The following LIMCH1 variants were observed in gnomAD, a reference collection of about 807,000 sequenced individuals.
LIMCH1 encodes the protein LIM and calponin homology domains 1.
A neutral mutation model predicts 176.5 loss-of-function variants in LIMCH1; 113 were observed. That is an observed-to-expected ratio of 0.64 (90% CI 0.55 to 0.75). LIMCH1 has a LOEUF of 0.75. LIMCH1 is among the 30% of genes least tolerant of loss of function. The pLI is 0.00. For missense variants in LIMCH1, 1,674 were observed against 1,814.9 expected (o/e 0.92, Z 1.41); for synonymous variants, 619 against 645.9 (o/e 0.96, Z 0.63).
chr4:41,406,696 A>G (rs917049292), intron 1 of LIMCH1, among the ~76,000 whole-genome samples: 6 of 152,218 alleles, frequency 3.9e-5, no homozygotes, highest in Non-Finnish European at 8.8e-5. Flanking sequence ...GTCGCACTGT[A>G]AAGACACTGA....
At chr4:41,661,993 G>A (rs919702329) in intron 19 of LIMCH1, 5 of 322,726 alleles carry the variant, frequency 1.5e-5, no homozygotes, top group African/African-American at 4.5e-5. Context: ...CCCTGTTCCC[G>A]AAAGTCTTGT....
intron 1 of LIMCH1, among the ~76,000 whole-genome samples, chr4:41,436,700 C>T (rs1284676923): frequency 1.3e-5 from 2 of 152,052 alleles, no homozygotes; most frequent in Non-Finnish European, 2.9e-5. Flanking sequence ...ACTCTTTGGT[C>T]CTTCCCAAGG....
At chr4:41,426,071 GAGTGC>G (rs1166237143) in intron 1 of LIMCH1, among the ~76,000 whole-genome samples, 1 of 145,662 alleles carries the variant, frequency 6.9e-6, no homozygotes, top group African/African-American at 2.6e-5. Context: ...GCCCAGGCTG[GAGTGC>G]AGTGGCGGGA....
intron 7 of LIMCH1, among the ~76,000 whole-genome samples, chr4:41,625,401 T>A (rs2092880584): frequency 6.6e-6 from 1 of 152,238 alleles, no homozygotes; most frequent in South Asian, 2.1e-4. Flanking sequence ...CACCTGTGAA[T>A]ACAATCCTAC....
chr4:41,599,286 TA>T (rs1462836520), intron 2 of LIMCH1, among the ~76,000 whole-genome samples: 2 of 152,238 alleles, frequency 1.3e-5, no homozygotes, highest in East Asian at 3.9e-4. Flanking sequence ...AAATGTTAAG[TA>T]AAGATTAACA....
Position 41,487,235 on chromosome 4 carries a change from T to C in LIMCH1, c.97-7301T>C, listed in dbSNP as rs2069764057. Among the ~76,000 whole-genome samples, 3 of 152,258 alleles carry C rather than the reference T, an allele frequency of 2.0e-5. No individual in the cohort carries two copies. In the South Asian group the frequency reaches 6.2e-4, roughly 32 times the overall value. Reference sequence around the variant, plus strand: ...GTCTAAGGGCCAAATTTTCAGTGGCTTGGTCCTTATTGAATTTCTGCAGTC... The same window carrying C: ...GTCTAAGGGCCAAATTTTCAGTGGCCTGGTCCTTATTGAATTTCTGCAGTC... On this transcript the variant is annotated intron_variant, in intron 1 of 26. Transcript: ENST00000313860.
At chr4:41,559,337 G>A (rs1015284645) in intron 1 of LIMCH1, among the ~76,000 whole-genome samples, 1 of 152,020 alleles carries the variant, frequency 6.6e-6, no homozygotes, top group Non-Finnish European at 1.5e-5. Flanking sequence ...AGGAAGAAGG[G>A]TGCCTCCTCC....
chr4:41,360,777 C>T (rs1580975570), upstream of LIMCH1: 4 of 1,303,196 alleles, frequency 3.1e-6, no homozygotes, highest in African/African-American at 1.5e-5. This position sits in a 1 kb window ranked among gnomAD's most constrained non-coding sequence, Gnocchi z 4.5. Context: ...GGAGCGCGCT[C>T]CTGCGGCGGC....
At chr4:41,581,805 C>CAAAAAAAAAAAAAAAAAAAAAA (rs56150312) in intron 1 of LIMCH1, among the ~76,000 whole-genome samples, 19 of 76,188 alleles carry the variant, frequency 2.5e-4, no homozygotes, top group Admixed American at 5.3e-4. Flanking sequence ...GACTCTGTCT[C>CAAAAAAAAAAAAAAAAAAAAAA]AAAAAAAAAA....
At chr4:41,620,041 A>T (rs1385641232) in intron 6 of LIMCH1, 1 of 206,610 alleles carries the variant, frequency 4.8e-6, no homozygotes, top group African/African-American at 2.3e-5. Flanking sequence ...CCCAATAACA[A>T]ATAAGGCAGA....
intron 14 of LIMCH1, among the ~76,000 whole-genome samples, chr4:41,643,594 CATTT>C (rs1562049944): frequency 6.6e-6 from 1 of 152,192 alleles, no homozygotes; most frequent in Non-Finnish European, 1.5e-5. Context: ...TCTTGCACAA[CATTT>C]AATAAGCTCC....
At chr4:41,671,806 A>T (rs1401704925) in intron 22 of LIMCH1, among the ~76,000 whole-genome samples, 1 of 151,246 alleles carries the variant, frequency 6.6e-6, no homozygotes, top group Non-Finnish European at 1.5e-5. Context: ...TACTAAAAAT[A>T]CAAAAATTAG....
chr4:41,509,817 C>T (rs1583299552), intron 2 of LIMCH1, among the ~76,000 whole-genome samples: 1 of 152,092 alleles, frequency 6.6e-6, no homozygotes, highest in Non-Finnish European at 1.5e-5. Flanking sequence ...AAATAAATAG[C>T]CCTTGGCTCC....
At chr4:41,474,227 G>GC (rs2067397226) in intron 1 of LIMCH1, among the ~76,000 whole-genome samples, 1 of 151,118 alleles carries the variant, frequency 6.6e-6, no homozygotes, top group Non-Finnish European at 1.5e-5. Flanking sequence ...GGTGGCTCAC[G>GC]CCTGTAATCC....
At position 41,692,399 on chromosome 4, in the gene LIMCH1, G is replaced by T; in HGVS notation, c.4378+15G>T. 1 of 1,505,398 alleles carries T rather than the reference G, an allele frequency of 6.6e-7. No homozygotes were observed. Among genetic ancestry groups the T allele is most frequent in the South Asian group, 1.1e-5 (1 of 88,332 alleles). The allele number at this position is 1,505,398 out of a possible 1,614,324, so 93.3% of individuals were successfully genotyped here. A position where few individuals can be genotyped will look rare whatever the true frequency, so the allele number is the denominator to read the frequency against. On this transcript the variant is annotated intron_variant, in intron 31 of 31. Transcript: ENST00000503057. ...GCGATCCAGAAGTAAGTACTGGGGA[G>T]AATGCCTCATGATGACCGAGTGTAA...
intron 2 of LIMCH1, among the ~76,000 whole-genome samples, chr4:41,498,010 G>A (rs1448951413): frequency 6.6e-6 from 1 of 152,108 alleles, no homozygotes; most frequent in East Asian, 1.9e-4. Flanking sequence ...GCTGGGCAGA[G>A]GACAAAGAAG....
At chr4:41,585,513 T>G (rs1221717195) in intron 1 of LIMCH1, among the ~76,000 whole-genome samples, 1 of 152,230 alleles carries the variant, frequency 6.6e-6, no homozygotes, top group Non-Finnish European at 1.5e-5. Context: ...TGCAAGTGTC[T>G]ATTTGAGTTT....
chr4:41,483,970 G>A (rs929645496), intron 1 of LIMCH1, among the ~76,000 whole-genome samples: 1 of 152,184 alleles, frequency 6.6e-6, no homozygotes, highest in East Asian at 1.9e-4. Context: ...GAGCCCTTGG[G>A]CAAGTTACTT....
chr4:41,361,122 C>T (rs1325814382), intron 1 of LIMCH1, among the ~76,000 whole-genome samples: 1 of 152,196 alleles, frequency 6.6e-6, no homozygotes, highest in Non-Finnish European at 1.5e-5. Context: ...ATTGGAATCC[C>T]GGGCGAGGGT....
Sources: gnomAD v4.1 joint callset for allele counts (sites outside exome capture counted in the v4.1 genomes callset) on GRCh38, gnomAD v4.1.1 for gene constraint, Gnocchi (gnomAD v3.1) non-coding constraint, MANE v1.5 for transcripts, NCBI Gene and HGNC (gene_info 2026-07-23, HGNC 2026-07-21) for gene names.